The following ZNF831 variants were observed in gnomAD, a reference collection of about 807,000 sequenced individuals.
ZNF831 encodes zinc finger protein 831, also known as chromosome 20 open reading frame 174.
ZNF831 carries 59 observed loss-of-function variants against 95.8 expected under a neutral mutation model. The ratio of observed to expected loss-of-function variants is 0.62; its 90% CI spans 0.50 to 0.77. ZNF831 has a LOEUF of 0.77. Among genes scored for constraint, ZNF831 ranks in the 30% least tolerant of loss-of-function variants. ZNF831 has a pLI of 0.00. For missense variants in ZNF831, 2,205 were observed against 2,164.0 expected (o/e 1.02, Z -0.38); for synonymous variants, 961 against 925.5 (o/e 1.04, Z -0.70).
At position 59,191,852 on chromosome 20, in the gene ZNF831, C is replaced by A. The variant is rs1166258633; in HGVS notation, c.833C>A (p.Ala278Asp). The change falls in exon 2 of 6, where the codon GCT becomes GAT. Residue 278 changes from alanine (A) to aspartate (D), a missense_variant. Coordinates refer to ENST00000371030, the MANE Select transcript of ZNF831 (RefSeq NM_178457.3). ...CPGSAFADREAPWDSAPMASP... is the reference protein window; with the variant it reads ...CPGSAFADREDPWDSAPMASP... ...GGGTCCGCATTTGCCGACAGAGAGG[C>A]TCCTTGGGACTCTGCCCCCATGGCG... 3.7e-6 allele frequency: 6 copies of A among 1,613,324 alleles called. No individual in the cohort carries two copies. The highest frequency in any genetic ancestry group is 5.1e-6 in the Non-Finnish European group (6 of 1,179,988).
chr20:59,125,679 AG>A (rs1478087124), intron 1 of ZNF831, among the ~76,000 whole-genome samples: 1 of 152,236 alleles, frequency 6.6e-6, no homozygotes, highest in Non-Finnish European at 1.5e-5. Flanking sequence ...GGAAAAGCTC[AG>A]GGAGGAAGGT....
At position 59,229,179 on chromosome 20, in the gene ZNF831, A is replaced by G. The variant is rs918391254; in HGVS notation, c.4027+22123A>G. ...CTGAATAATATTCCATTGTGTATACATACCACATTTTCTTTATCCATTCAT... is the reference window on the plus strand; with the variant it reads ...CTGAATAATATTCCATTGTGTATACGTACCACATTTTCTTTATCCATTCAT... On this transcript the variant is annotated intron_variant, in intron 4 of 5. Transcript: ENST00000371030. Among the ~76,000 whole-genome samples the G allele has an allele frequency of 3.3e-5, 5 of 152,384 alleles. No individual in the cohort carries two copies. In the South Asian group the frequency reaches 6.2e-4, roughly 19 times the overall value.
At chr20:59,175,052 T>C (rs1277003220) in intron 1 of ZNF831, among the ~76,000 whole-genome samples, 1 of 152,232 alleles carries the variant, frequency 6.6e-6, no homozygotes, top group Non-Finnish European at 1.5e-5. Context: ...AAAAATGTGA[T>C]ACCCTTTTCT....
At chr20:59,202,045 A>G (rs1350413002) in intron 3 of ZNF831, among the ~76,000 whole-genome samples, 1 of 152,068 alleles carries the variant, frequency 6.6e-6, no homozygotes, top group Non-Finnish European at 1.5e-5. Context: ...CACTGCCTTT[A>G]TTGCTCAATG....
intron 4 of ZNF831, among the ~76,000 whole-genome samples, chr20:59,210,352 C>T (rs1985210042): frequency 6.6e-6 from 1 of 152,188 alleles, no homozygotes; most frequent in Admixed American, 6.5e-5. Context: ...AGGAAGAAAG[C>T]CCAGTGGCCG....
chr20:59,196,464 G>A (rs1299098624), intron 3 of ZNF831, among the ~76,000 whole-genome samples: 1 of 152,152 alleles, frequency 6.6e-6, no homozygotes, highest in Non-Finnish European at 1.5e-5. Flanking sequence ...TTTGCGGTAT[G>A]TGTTTGCACA....
At chr20:59,207,649 A>T (rs1984994350) in intron 4 of ZNF831, among the ~76,000 whole-genome samples, 1 of 152,200 alleles carries the variant, frequency 6.6e-6, no homozygotes, top group African/African-American at 2.4e-5. Context: ...AACCGGGGCA[A>T]ATGGCTCAAC....
chr20:59,232,994 GCACACACACACACACACACACA>G (rs59267396), intron 4 of ZNF831, among the ~76,000 whole-genome samples: 23 of 123,084 alleles, frequency 1.9e-4, no homozygotes, highest in East Asian at 1.5e-3. Flanking sequence ...GGACCCTGAG[GCACACACACACACACACACACA>G]CACACACACA....
intron 4 of ZNF831, among the ~76,000 whole-genome samples, chr20:59,224,265 G>T (rs982224031): frequency 6.6e-6 from 1 of 152,136 alleles, no homozygotes; most frequent in Admixed American, 6.5e-5. Context: ...GTACCTCGCC[G>T]CCTGGGTGCT....
At chr20:59,250,115 C>T (rs552130639) in intron 4 of ZNF831, among the ~76,000 whole-genome samples, 59 of 152,318 alleles carry the variant, frequency 3.9e-4, no homozygotes, top group African/African-American at 1.4e-3. Context: ...TTCTACTTCT[C>T]AGAGCTTGGT....
intron 3 of ZNF831, among the ~76,000 whole-genome samples, chr20:59,202,151 C>T (rs943344192): frequency 6.6e-6 from 1 of 152,024 alleles, no homozygotes; most frequent in African/African-American, 2.4e-5. Flanking sequence ...GTCAGAAGTC[C>T]CTGGCCTATT....
intron 4 of ZNF831, among the ~76,000 whole-genome samples, chr20:59,216,004 A>G (rs1985653558): frequency 6.6e-6 from 1 of 152,256 alleles, no homozygotes; most frequent in Admixed American, 6.5e-5. Context: ...ATTAGCACCT[A>G]GTCGAGACTT....
intron 1 of ZNF831, among the ~76,000 whole-genome samples, chr20:59,177,562 C>T (rs866557121): frequency 1.4e-4 from 21 of 152,128 alleles, no homozygotes; most frequent in Admixed American, 3.3e-4. Context: ...CAAACTAGGA[C>T]GAGTTGGTAT....
intron 4 of ZNF831, among the ~76,000 whole-genome samples, chr20:59,210,127 C>G: frequency 6.6e-6 from 1 of 152,196 alleles, no homozygotes; most frequent in East Asian, 1.9e-4. Context: ...CAGGGACACA[C>G]ACGGACACTC....
intron 1 of ZNF831, among the ~76,000 whole-genome samples, chr20:59,129,814 T>C (rs1422671230): frequency 6.6e-6 from 1 of 152,180 alleles, no homozygotes; most frequent in Admixed American, 6.5e-5. Context: ...CCTTTTTCAT[T>C]TCACTCAGCA....
intron 1 of ZNF831, among the ~76,000 whole-genome samples, chr20:59,181,659 T>C (rs1350253390): frequency 6.6e-6 from 1 of 152,094 alleles, no homozygotes; most frequent in Non-Finnish European, 1.5e-5. Context: ...GTCAGGTTTG[T>C]CGAAGATCAG....
intron 4 of ZNF831, among the ~76,000 whole-genome samples, chr20:59,239,073 A>G (rs1987164316): frequency 6.6e-6 from 1 of 152,258 alleles, no homozygotes; most frequent in Admixed American, 6.5e-5. Flanking sequence ...GATAGAAAGC[A>G]TGTAGATATG....
At chr20:59,210,258 T>C (rs1985201316) in intron 4 of ZNF831, among the ~76,000 whole-genome samples, 1 of 152,236 alleles carries the variant, frequency 6.6e-6, no homozygotes, top group Non-Finnish European at 1.5e-5. Flanking sequence ...CAGCAGGACA[T>C]GCTCCACACT....
chr20:59,153,403 G>A (rs866551601), intron 2 of ZNF831, among the ~76,000 whole-genome samples: 4 of 152,236 alleles, frequency 2.6e-5, no homozygotes, highest in African/African-American at 4.8e-5. Flanking sequence ...TGGGCTGGGC[G>A]CATCTTCCTG....
Sources: gnomAD v4.1 joint callset for allele counts (sites outside exome capture counted in the v4.1 genomes callset) on GRCh38, gnomAD v4.1.1 for gene constraint, MANE v1.5 for transcripts, NCBI Gene and HGNC (gene_info 2026-07-23, HGNC 2026-07-21) for gene names.